Variants in SLC35F1 observed in about 807,000 individuals in gnomAD.
SLC35F1 encodes the protein solute carrier family 35 member F1.
In SLC35F1, 14 loss-of-function variants were observed where a neutral mutation model predicts 48.7. That is an observed-to-expected ratio of 0.29 (90% confidence interval 0.19 to 0.45). SLC35F1 has a LOEUF of 0.45. Ranked by LOEUF, SLC35F1 falls within the 20% of genes least tolerant of loss-of-function variation. The probability of loss-of-function intolerance (pLI) is 1.00; values close to 1 mark genes in which losing one functional copy is unlikely to be tolerated. For missense variants in SLC35F1, 404 were observed against 500.0 expected (o/e 0.81, Z 1.83); for synonymous variants, 190 against 202.2 (o/e 0.94, Z 0.51).
At chr6:117,926,197 G>A (rs145094498) in intron 1 of SLC35F1, among the ~76,000 whole-genome samples, 12 of 152,148 alleles carry the variant, frequency 7.9e-5, no homozygotes, top group Admixed American at 2.6e-4. Flanking sequence ...GGTGGTTTCC[G>A]CCATGCTGTT....
chr6:118,106,076 G>A lies in SLC35F1; in HGVS notation c.174-48369G>A, dbSNP rs372844497. On this transcript the variant is annotated intron_variant, in intron 1 of 7. Coordinates refer to ENST00000360388, the MANE Select transcript of SLC35F1 (RefSeq NM_001029858.4). Reference sequence around the variant, plus strand: ...GACAAATTGGTAGTCATAGGAATGCGGTATCAAGCCTGCAACTAAGTATTG... The same window carrying A: ...GACAAATTGGTAGTCATAGGAATGCAGTATCAAGCCTGCAACTAAGTATTG... 3.5e-4 allele frequency among the ~76,000 whole-genome samples: 54 copies of A among 152,164 alleles called. 1 individual carries two copies. The South Asian group carries it at 8.1e-3, about 23-fold the overall frequency.
intron 2 of SLC35F1, among the ~76,000 whole-genome samples, chr6:118,205,246 A>C (rs559757108): frequency 8.5e-5 from 13 of 152,184 alleles, no homozygotes; most frequent in Non-Finnish European, 1.8e-4. Flanking sequence ...TGTCTGTGCT[A>C]TTGGTTGGAG....
chr6:118,089,658 C>G (rs1773044060), intron 1 of SLC35F1, among the ~76,000 whole-genome samples: 1 of 152,130 alleles, frequency 6.6e-6, no homozygotes, highest in African/African-American at 2.4e-5. Context: ...CTATTTTTTG[C>G]AATAGTACTG....
At chr6:118,052,043 A>T (rs760720342) in intron 1 of SLC35F1, among the ~76,000 whole-genome samples, 3 of 151,932 alleles carry the variant, frequency 2.0e-5, no homozygotes, top group Non-Finnish European at 4.4e-5. Context: ...TCTCCAACCA[A>T]TGTGCTGTAC....
chr6:118,118,476 TTA>T (rs2114396561), intron 1 of SLC35F1, among the ~76,000 whole-genome samples: 1 of 152,312 alleles, frequency 6.6e-6, no homozygotes, highest in Admixed American at 6.5e-5. Context: ...TTCCTTCTAT[TTA>T]TGTTTTCAGA....
At chr6:118,268,151 G>A (rs2114621818) in intron 4 of SLC35F1, among the ~76,000 whole-genome samples, 1 of 152,280 alleles carries the variant, frequency 6.6e-6, no homozygotes, top group Non-Finnish European at 1.5e-5. Flanking sequence ...CAACTCCTTT[G>A]TAATTGACAT....
chr6:118,109,191 CT>C (rs900339154), intron 1 of SLC35F1, among the ~76,000 whole-genome samples: 83 of 152,224 alleles, frequency 5.5e-4, no homozygotes, highest in African/African-American at 1.9e-3. Context: ...AAGTAATTGG[CT>C]TTAAGAGGTT....
intron 1 of SLC35F1, among the ~76,000 whole-genome samples, chr6:117,910,548 G>T (rs559276270): frequency 3.3e-5 from 5 of 152,312 alleles, no homozygotes; most frequent in African/African-American, 1.2e-4. Flanking sequence ...AGCAGAAAGT[G>T]GTTCCAAATC....
At chr6:118,158,682 CT>C (rs1207934559) in intron 2 of SLC35F1, among the ~76,000 whole-genome samples, 1 of 152,190 alleles carries the variant, frequency 6.6e-6, no homozygotes, top group African/African-American at 2.4e-5. Context: ...CAAAGTCAAA[CT>C]GAATTCTCCC....
At chr6:118,141,606 T>C (rs1206955051) in intron 1 of SLC35F1, among the ~76,000 whole-genome samples, 5 of 152,160 alleles carry the variant, frequency 3.3e-5, no homozygotes, top group African/African-American at 1.2e-4. Context: ...TATCCTCACA[T>C]GGCAGAAAGA....
At chr6:117,950,118 T>G (rs528862593) in intron 1 of SLC35F1, among the ~76,000 whole-genome samples, 1 of 152,200 alleles carries the variant, frequency 6.6e-6, no homozygotes, top group Non-Finnish European at 1.5e-5. Flanking sequence ...GGGGTGTTGT[T>G]TCTGGCCGTG....
intron 1 of SLC35F1, among the ~76,000 whole-genome samples, chr6:118,101,848 A>G (rs190363460): frequency 6.6e-6 from 1 of 152,360 alleles, no homozygotes; most frequent in African/African-American, 2.4e-5. Flanking sequence ...AAAACATGGG[A>G]TTTCCTATTA....
At chr6:118,300,129 G>A (rs1451257150) in intron 7 of SLC35F1, among the ~76,000 whole-genome samples, 1 of 152,020 alleles carries the variant, frequency 6.6e-6, no homozygotes, top group Non-Finnish European at 1.5e-5. Flanking sequence ...AAATAATTAA[G>A]GGGAAAAAAT....
intron 7 of SLC35F1, among the ~76,000 whole-genome samples, chr6:118,295,584 C>A (rs962154243): frequency 1.1e-4 from 16 of 152,272 alleles, no homozygotes; most frequent in Non-Finnish European, 1.8e-4. Flanking sequence ...AATGTCACTG[C>A]ACTTGAAAAC....
chr6:118,093,898 A>G (rs1482787920), intron 1 of SLC35F1, among the ~76,000 whole-genome samples: 1 of 152,142 alleles, frequency 6.6e-6, no homozygotes, highest in African/African-American at 2.4e-5. Flanking sequence ...GAGTAAGAAG[A>G]GGACTGATAA....
intron 1 of SLC35F1, among the ~76,000 whole-genome samples, chr6:118,048,646 C>T (rs1197940354): frequency 6.6e-6 from 1 of 152,048 alleles, no homozygotes; most frequent in African/African-American, 2.4e-5. Context: ...CCTAGGAATC[C>T]AACTTACAAG....
At position 117,923,747 on chromosome 6, in the gene SLC35F1, G is replaced by A. The variant is rs12181994; in HGVS notation, c.173+15848G>A. The stretch of plus-strand genomic sequence containing the variant: ...TATACATATGTATATATACATATAT[G>A]TACATATATACATATGCACATACAT... On this transcript the variant is annotated intron_variant, in intron 1 of 7. Coordinates refer to ENST00000360388, the MANE Select transcript of SLC35F1 (RefSeq NM_001029858.4). Among the ~76,000 whole-genome samples, 45 of 54,402 alleles carry A rather than the reference G, an allele frequency of 8.3e-4. 2 individuals are homozygous for A. Among genetic ancestry groups the A allele is most frequent in the Non-Finnish European group, 1.7e-3 (39 of 22,682 alleles). 35.7% of individuals were successfully genotyped at this position (54,402 alleles called of 152,430 possible).
intron 1 of SLC35F1, among the ~76,000 whole-genome samples, chr6:118,087,170 GT>G (rs1446579146): frequency 6.6e-6 from 1 of 152,072 alleles, no homozygotes; most frequent in African/African-American, 2.4e-5. Context: ...AGCAGGATTG[GT>G]TTCTTTAGAG....
At chr6:118,304,806 T>C (rs539117986) in intron 7 of SLC35F1, among the ~76,000 whole-genome samples, 2 of 151,496 alleles carry the variant, frequency 1.3e-5, no homozygotes, top group Non-Finnish European at 2.9e-5. Flanking sequence ...GCCTGAGGCT[T>C]GGAGATGTAG....
Sources: gnomAD v4.1 joint callset for allele counts (sites outside exome capture counted in the v4.1 genomes callset) on GRCh38, gnomAD v4.1.1 for gene constraint, MANE v1.5 for transcripts, NCBI Gene and HGNC (gene_info 2026-07-23, HGNC 2026-07-21) for gene names.